Variants in ZNF362 observed in about 807,000 individuals in gnomAD.
ZNF362 encodes rotund homolog.
A neutral mutation model predicts 42.9 loss-of-function variants in ZNF362; 11 were observed. The ratio of observed to expected loss-of-function variants is 0.26; its 90% CI spans 0.16 to 0.42. The LOEUF (loss-of-function observed/expected upper bound fraction) is 0.42. Ranked by LOEUF, ZNF362 falls within the 20% of genes least tolerant of loss-of-function variation. The pLI is 1.00. For synonymous variants in ZNF362, 255 were observed against 257.3 expected, an observed-to-expected ratio of 0.99 and a Z score of 0.09; for missense variants, 362 against 576.2, an observed-to-expected ratio of 0.63 and a Z score of 3.81.
the ZNF362 span, chr1:33,146,796 C>T: frequency 1.4e-5 from 4 of 277,400 alleles, no homozygotes; most frequent in African/African-American, 2.2e-5. Flanking sequence ...GTGTGTCTTT[C>T]GGGCTGCCAA....
At chr1:33,249,563 C>G in the ZNF362 span, among the ~76,000 whole-genome samples, 1 of 152,078 alleles carries the variant, frequency 6.6e-6, no homozygotes, top group South Asian at 2.1e-4. Context: ...CTGCCCCACT[C>G]CCCCAAGAAA....
the ZNF362 span, among the ~76,000 whole-genome samples, chr1:33,185,075 C>A: frequency 6.6e-6 from 1 of 152,122 alleles, no homozygotes; most frequent in Non-Finnish European, 1.5e-5. Context: ...GCCACTGCGC[C>A]CAGCCAATTT....
chr1:33,282,683 G>A (rs1646004178), intron 6 of ZNF362, among the ~76,000 whole-genome samples: 3 of 152,122 alleles, frequency 2.0e-5, no homozygotes, highest in African/African-American at 2.4e-5. Context: ...TTAGCTGGGT[G>A]TGGTGGTGGG....
chr1:33,250,501 C>T, the ZNF362 span, among the ~76,000 whole-genome samples: 8 of 152,202 alleles, frequency 5.3e-5, no homozygotes, highest in African/African-American at 1.9e-4. Flanking sequence ...AAACCAAACA[C>T]TGAATGTTCT....
At chr1:33,221,993 C>T in the ZNF362 span, among the ~76,000 whole-genome samples, 3 of 152,026 alleles carry the variant, frequency 2.0e-5, no homozygotes, top group East Asian at 3.9e-4. Flanking sequence ...AAGAGGGCGA[C>T]AAGGAGACAG....
At chr1:33,258,623 G>C (rs1294359840) in intron 1 of ZNF362, among the ~76,000 whole-genome samples, 1 of 152,138 alleles carries the variant, frequency 6.6e-6, no homozygotes, top group African/African-American at 2.4e-5. Context: ...GGCTTCCACT[G>C]CTGGGCTCCC....
At chr1:33,251,000 C>T in the ZNF362 span, among the ~76,000 whole-genome samples, 4 of 152,184 alleles carry the variant, frequency 2.6e-5, no homozygotes, top group Non-Finnish European at 2.9e-5. Context: ...AGCTTGATGA[C>T]AGAGAGGGAC....
chr1:33,165,738 C>G, the ZNF362 span: 1 of 481,002 alleles, frequency 2.1e-6, no homozygotes, highest in African/African-American at 2.0e-5. This position sits in a 1 kb window ranked among gnomAD's most constrained non-coding sequence, Gnocchi z 4.0. Flanking sequence ...GTCTCCTAAA[C>G]ACCTCCAGAA....
chr1:33,170,611 T>C, the ZNF362 span, among the ~76,000 whole-genome samples: 1 of 151,766 alleles, frequency 6.6e-6, no homozygotes, highest in African/African-American at 2.4e-5. Context: ...GCAGGCAGAG[T>C]TCCTTGGATG....
chr1:33,287,484 C>T (rs1646041231), intron 6 of ZNF362, among the ~76,000 whole-genome samples: 1 of 152,138 alleles, frequency 6.6e-6, no homozygotes, highest in Admixed American at 6.5e-5. Context: ...CCTATCTAAA[C>T]AAACAAACAA....
At chr1:33,164,756 G>A in the ZNF362 span, 1 of 151,824 alleles carries the variant, frequency 6.6e-6, no homozygotes, top group East Asian at 1.9e-4. Flanking sequence ...TGACTCCTAG[G>A]CAATGGGCTT....
At chr1:33,154,361 A>C in the ZNF362 span, among the ~76,000 whole-genome samples, 6 of 152,340 alleles carry the variant, frequency 3.9e-5, no homozygotes, top group African/African-American at 1.4e-4. Context: ...TGTCTGTCAC[A>C]GCTCGGAGAG....
chr1:33,270,425 G>A, intron 1 of ZNF362, 62 bp from the exon 2 acceptor site: 1 of 602,828 alleles, frequency 1.7e-6, no homozygotes, highest in East Asian at 2.8e-5. Flanking sequence ...GAAATCAATG[G>A]TAGCTGGCAC....
intron 2 of ZNF362, among the ~76,000 whole-genome samples, chr1:33,273,077 G>C (rs1557790948): frequency 6.6e-6 from 1 of 152,240 alleles, no homozygotes; most frequent in Non-Finnish European, 1.5e-5. Flanking sequence ...CTCTTGTACA[G>C]GTCCCAGGGC....
rs1430056984 is a variant in ZNF362 at position 33,290,133 on chromosome 1, T to C, written c.909-4804T>C. On this transcript the variant is annotated intron_variant, in intron 6 of 8. Transcript: ENST00000539719. Reference sequence around the variant, plus strand: ...TTTATACTTAAAGTTCTAGGGGACATGTGCAGAACGTGCAGGTTTGTTACA... The same window carrying C: ...TTTATACTTAAAGTTCTAGGGGACACGTGCAGAACGTGCAGGTTTGTTACA... Among the ~76,000 whole-genome samples the C allele has an allele frequency of 6.8e-4, 104 of 152,086 alleles. 1 individual carries two copies. The highest frequency in any genetic ancestry group is 4.4e-5 in the Non-Finnish European group (3 of 68,018).
the ZNF362 span, among the ~76,000 whole-genome samples, chr1:33,198,002 C>T: frequency 6.6e-6 from 1 of 152,182 alleles, no homozygotes; most frequent in East Asian, 1.9e-4. Flanking sequence ...TGACTAAATG[C>T]TACTGGGGTT....
rs1290624788 is a variant in ZNF362 at position 33,280,895 on chromosome 1, C to G, written c.683+438C>G. On this transcript the variant is annotated intron_variant, in intron 5 of 8. Coordinates refer to ENST00000539719, the MANE Select transcript of ZNF362 (RefSeq NM_152493.3). This position sits in a 1 kb window ranked among gnomAD's most constrained non-coding sequence, Gnocchi z 5.6. ...ACCAGCCTGGCCAGCATGGTGAAACCTCGTCTCTACAAAAAATACAAAAGT... is the reference window on the plus strand; with the variant it reads ...ACCAGCCTGGCCAGCATGGTGAAACGTCGTCTCTACAAAAAATACAAAAGT... 6.6e-6 allele frequency among the ~76,000 whole-genome samples: 1 copy of G among 152,130 alleles called. No individual in the cohort carries two copies. Among genetic ancestry groups the G allele is most frequent in the Non-Finnish European group, 1.5e-5 (1 of 68,024 alleles).
At chr1:33,237,499 T>TGGC in the ZNF362 span, among the ~76,000 whole-genome samples, 19 of 152,222 alleles carry the variant, frequency 1.2e-4, no homozygotes, top group African/African-American at 4.6e-4. Flanking sequence ...GACATCGATA[T>TGGC]GGCTCTACTA....
chr1:33,159,344 G>T, the ZNF362 span, among the ~76,000 whole-genome samples: 1 of 151,962 alleles, frequency 6.6e-6, no homozygotes, highest in East Asian at 1.9e-4. This position sits in a 1 kb window ranked among gnomAD's most constrained non-coding sequence, Gnocchi z 4.2. Context: ...AATGTATACA[G>T]AATATATTAC....
Sources: gnomAD v4.1 joint callset for allele counts (sites outside exome capture counted in the v4.1 genomes callset) on GRCh38, gnomAD v4.1.1 for gene constraint, Gnocchi (gnomAD v3.1) non-coding constraint, MANE v1.5 for transcripts, NCBI Gene and HGNC (gene_info 2026-07-23, HGNC 2026-07-21) for gene names.